Variants in PCBP3 observed in about 807,000 individuals in gnomAD.
PCBP3 encodes the protein poly(rC) binding protein 3, also known as poly(rC)-binding protein 3.
Under a neutral mutation model 52.7 loss-of-function variants are expected in PCBP3, and 25 were observed. The observed-to-expected ratio is 0.47, with a 90% CI of 0.35 to 0.66. PCBP3 has a LOEUF of 0.66. Ranked by LOEUF, PCBP3 falls within the 30% of genes least tolerant of loss-of-function variation. The pLI, the probability that PCBP3 is intolerant of heterozygous loss-of-function variation, is 0.01. For missense variants in PCBP3, 391 were observed against 490.3 expected, an observed-to-expected ratio of 0.80 and a Z score of 1.91; for synonymous variants, 162 against 183.0, an observed-to-expected ratio of 0.89 and a Z score of 0.93.
intron 1 of PCBP3, among the ~76,000 whole-genome samples, chr21:45,644,978 C>G (rs1421083056): frequency 6.6e-6 from 1 of 152,216 alleles, no homozygotes; most frequent in Non-Finnish European, 1.5e-5. Context: ...AACTAACTCC[C>G]AGTCCTCCTC....
chr21:45,859,991 G>A (rs770650016), intron 5 of PCBP3, among the ~76,000 whole-genome samples: 52 of 152,208 alleles, frequency 3.4e-4, no homozygotes, highest in Non-Finnish European at 5.9e-4. Flanking sequence ...AGGGATGGCC[G>A]GTGCCCCCAC....
Position 45,805,436 on chromosome 21 carries a change from CCCTT to C in PCBP3, c.-125-44519_-125-44516del, listed in dbSNP as rs1469344967. On this transcript the variant is annotated intron_variant, in intron 4 of 17. Transcript: ENST00000681687. The surrounding 1 kb of genome is among the most constrained non-coding windows in gnomAD (Gnocchi z 4.6). Reference sequence around the variant, plus strand: ...GCCGTGCGGAGGTGGCCATGGGCAGCCCTTCCTTCTGGAGCCCCCTGTCTTCCCT... The same window carrying C: ...GCCGTGCGGAGGTGGCCATGGGCAGCCCTTCTGGAGCCCCCTGTCTTCCCT... Among the ~76,000 whole-genome samples the C allele has an allele frequency of 6.6e-6, 1 of 152,096 alleles. No homozygotes were observed. The highest frequency in any genetic ancestry group is 1.5e-5 in the Non-Finnish European group (1 of 68,008).
chr21:45,754,000 GT>G (rs2146396432), intron 3 of PCBP3, among the ~76,000 whole-genome samples: 1 of 152,270 alleles, frequency 6.6e-6, no homozygotes, highest in African/African-American at 2.4e-5. Flanking sequence ...TGGTGAGAAT[GT>G]GGGTAAAAAA....
At chr21:45,793,397 G>A (rs1452159873) in intron 4 of PCBP3, among the ~76,000 whole-genome samples, 1 of 152,134 alleles carries the variant, frequency 6.6e-6, no homozygotes, top group African/African-American at 2.4e-5. Flanking sequence ...CTGATGCAGA[G>A]CTCCAGGACT....
chr21:45,766,446 G>A (rs2089332212), intron 4 of PCBP3, among the ~76,000 whole-genome samples: 1 of 152,186 alleles, frequency 6.6e-6, no homozygotes, highest in South Asian at 2.1e-4. Flanking sequence ...CTCTCTCTCT[G>A]CACCCATGTG....
At chr21:45,874,055 T>A (rs2095148618) in intron 5 of PCBP3, among the ~76,000 whole-genome samples, 1 of 151,898 alleles carries the variant, frequency 6.6e-6, no homozygotes, top group African/African-American at 2.4e-5. Context: ...CGGCCCAGGC[T>A]GGGCTCAAGT....
chr21:45,797,841 A>C (rs2092053494), intron 4 of PCBP3, among the ~76,000 whole-genome samples: 6 of 149,800 alleles, frequency 4.0e-5, no homozygotes, highest in Non-Finnish European at 8.9e-5. Context: ...ATAGAGAGTG[A>C]ATGCATGGAT....
Position 45,941,707 on chromosome 21 carries a change from T to C in PCBP3, c.*1T>C, listed in dbSNP as rs1158643775. ...GGTCACCGGGATGGGCACGCTGTAA[T>C]CCTACCCAGCACCCTTCCCCCGCGT... On this transcript the variant is annotated 3_prime_UTR_variant, in exon 18 of 18. Coordinates refer to ENST00000681687, the MANE Select transcript of PCBP3 (RefSeq NM_001384156.1). 6 of 1,604,910 alleles carry C rather than the reference T, an allele frequency of 3.7e-6. No individual in the cohort carries two copies. Among genetic ancestry groups the C allele is most frequent in the African/African-American group, 2.7e-5 (2 of 74,570 alleles).
chr21:45,899,666 G>C (rs2095971052), intron 7 of PCBP3, 44 bp downstream of exon 7: 1 of 1,523,838 alleles, frequency 6.6e-7, no homozygotes, highest in African/African-American at 1.4e-5. Flanking sequence ...GTCTCTGTAA[G>C]GGGATGGTGA....
chr21:45,762,584 C>T (rs1737055505), intron 4 of PCBP3: 1 of 145,662 alleles, frequency 6.9e-6, no homozygotes, highest in African/African-American at 2.5e-5. Flanking sequence ...CTTCTGCCTC[C>T]TGGGTTTGGG....
chr21:45,689,876 C>T (rs531752837), intron 2 of PCBP3, among the ~76,000 whole-genome samples: 2 of 152,160 alleles, frequency 1.3e-5, no homozygotes, highest in African/African-American at 4.8e-5. Context: ...AGACTTAATA[C>T]ATGAAGAGAT....
At chr21:45,649,613 G>A (rs766869030) in intron 1 of PCBP3, among the ~76,000 whole-genome samples, 8 of 152,056 alleles carry the variant, frequency 5.3e-5, no homozygotes, top group Non-Finnish European at 1.0e-4. Context: ...GTTGCTTCAT[G>A]TACCTAATGA....
chr21:45,756,312 C>T (rs2088038231), intron 4 of PCBP3, among the ~76,000 whole-genome samples: 1 of 152,192 alleles, frequency 6.6e-6, no homozygotes. Context: ...TCACTGGCAC[C>T]AAAGTGTTCT....
intron 15 of PCBP3, among the ~76,000 whole-genome samples, chr21:45,931,072 C>T (rs1218224479): frequency 2.6e-5 from 4 of 152,164 alleles, no homozygotes; most frequent in Admixed American, 2.0e-4. Flanking sequence ...GGGAGGCGGC[C>T]GTGGGAGCAG....
intron 3 of PCBP3, among the ~76,000 whole-genome samples, chr21:45,738,576 G>A (rs1408832393): frequency 2.0e-5 from 3 of 152,152 alleles, no homozygotes; most frequent in Admixed American, 6.5e-5. Context: ...CTTTCCGTAA[G>A]ATAACAATTT....
chr21:45,777,667 A>T (rs1448568410), intron 4 of PCBP3, among the ~76,000 whole-genome samples: 1 of 151,986 alleles, frequency 6.6e-6, no homozygotes, highest in East Asian at 1.9e-4. Flanking sequence ...TCAAGTACAG[A>T]GATTCTTTCT....
intron 2 of PCBP3, among the ~76,000 whole-genome samples, chr21:45,679,211 C>T (rs2081668106): frequency 6.6e-6 from 1 of 151,716 alleles, no homozygotes; most frequent in Non-Finnish European, 1.5e-5. Context: ...ACCTCTGCCT[C>T]CTGGGTTCAA....
chr21:45,713,463 C>T (rs930721129), intron 2 of PCBP3, among the ~76,000 whole-genome samples: 5 of 152,230 alleles, frequency 3.3e-5, no homozygotes, highest in Non-Finnish European at 5.9e-5. Context: ...AGACACACCT[C>T]GTCTGTCCAT....
chr21:45,662,071 C>T (rs2080429354), intron 1 of PCBP3, among the ~76,000 whole-genome samples: 1 of 151,974 alleles, frequency 6.6e-6, no homozygotes, highest in Non-Finnish European at 1.5e-5. Flanking sequence ...ATATTTCTCC[C>T]ATTCTGCAGG....
Sources: allele counts gnomAD v4.1 joint callset (sites outside exome capture counted in the v4.1 genomes callset), GRCh38; gene constraint gnomAD v4.1.1; non-coding constraint Gnocchi (gnomAD v3.1); transcripts MANE v1.5; gene names NCBI Gene and HGNC (gene_info 2026-07-23, HGNC 2026-07-21).